ATG10: variants seen among roughly 807,000 people sequenced by gnomAD.
The protein encoded by ATG10 is ubiquitin-like-conjugating enzyme ATG10.
In ATG10, 30 loss-of-function variants were observed where a neutral mutation model predicts 32.1. The observed-to-expected ratio is 0.94, with a 90% CI of 0.70 to 1.27. The LOEUF (loss-of-function observed/expected upper bound fraction) is 1.27. Among genes scored for constraint, ATG10 ranks in the 50% most tolerant of loss-of-function variants. The pLI is 0.00. For missense variants in ATG10, 233 were observed against 262.3 expected, an observed-to-expected ratio of 0.89 and a Z score of 0.77; for synonymous variants, 87 against 91.5, an observed-to-expected ratio of 0.95 and a Z score of 0.28.
At chr5:82,007,110 C>G (rs1436486775) in intron 2 of ATG10, among the ~76,000 whole-genome samples, 7 of 152,104 alleles carry the variant, frequency 4.6e-5, no homozygotes, top group Admixed American at 4.6e-4. Context: ...CCTCAGCCTC[C>G]CACAGTATTT....
At chr5:82,053,523 A>G (rs528175122) in intron 2 of ATG10, among the ~76,000 whole-genome samples, 9 of 152,236 alleles carry the variant, frequency 5.9e-5, no homozygotes, top group African/African-American at 1.2e-4. Context: ...TTTTTATCAT[A>G]TTAAAAAATA....
chr5:82,219,897 T>A (rs1447443147), intron 5 of ATG10, among the ~76,000 whole-genome samples: 2 of 152,392 alleles, frequency 1.3e-5, no homozygotes, highest in Admixed American at 1.3e-4. Context: ...TTATGGTTAG[T>A]GCTGGGGATA....
intron 5 of ATG10, among the ~76,000 whole-genome samples, chr5:82,238,466 G>A (rs1420923025): frequency 6.6e-6 from 1 of 151,990 alleles, no homozygotes; most frequent in Non-Finnish European, 1.5e-5. Flanking sequence ...TCTTCTAGAG[G>A]TGCAATTCAA....
chr5:82,087,655 CT>C (rs1764736585), intron 3 of ATG10, among the ~76,000 whole-genome samples: 1 of 152,182 alleles, frequency 6.6e-6, no homozygotes, highest in African/African-American at 2.4e-5. Flanking sequence ...GAATCTTCCC[CT>C]ATCCACCCCA....
At chr5:82,132,560 C>T (rs975035043) in intron 3 of ATG10, among the ~76,000 whole-genome samples, 17 of 152,006 alleles carry the variant, frequency 1.1e-4, no homozygotes, top group Non-Finnish European at 1.5e-5. Flanking sequence ...CAGCTTCATC[C>T]ATGTCCCTGC....
intron 3 of ATG10, among the ~76,000 whole-genome samples, chr5:82,129,606 C>A (rs1362616060): frequency 6.6e-6 from 1 of 152,132 alleles, no homozygotes; most frequent in East Asian, 1.9e-4. Flanking sequence ...GGCCTCTCTG[C>A]TGCAGGACTG....
chr5:82,066,627 A>G (rs986371885), intron 3 of ATG10, among the ~76,000 whole-genome samples: 1 of 152,290 alleles, frequency 6.6e-6, no homozygotes, highest in Non-Finnish European at 1.5e-5. Flanking sequence ...TTCCTGAAGC[A>G]TAAAACTGAG....
chr5:82,194,816 G>A (rs1284328897), intron 5 of ATG10, among the ~76,000 whole-genome samples: 1 of 152,166 alleles, frequency 6.6e-6, no homozygotes, highest in Non-Finnish European at 1.5e-5. Context: ...GGCCCTGTAG[G>A]TATGCTCTGG....
At chr5:82,150,881 A>G (rs915468179) in intron 3 of ATG10, among the ~76,000 whole-genome samples, 1 of 152,250 alleles carries the variant, frequency 6.6e-6, no homozygotes, top group Non-Finnish European at 1.5e-5. Flanking sequence ...TAGGATTAAT[A>G]TATCCAGATT....
intron 3 of ATG10, among the ~76,000 whole-genome samples, chr5:82,115,388 G>C (rs1364218871): frequency 1.3e-5 from 2 of 152,090 alleles, no homozygotes; most frequent in African/African-American, 2.4e-5. Context: ...GAGAGTAGAT[G>C]AGATAGAATT....
chr5:82,125,803 T>C (rs1232375386), intron 3 of ATG10, among the ~76,000 whole-genome samples: 2 of 152,272 alleles, frequency 1.3e-5, no homozygotes, highest in East Asian at 3.9e-4. Context: ...TTTTTCTAAG[T>C]CTGTGAAGAA....
At chr5:82,191,886 A>G (rs982086206) in intron 5 of ATG10, among the ~76,000 whole-genome samples, 40 of 152,316 alleles carry the variant, frequency 2.6e-4, no homozygotes, top group African/African-American at 9.4e-4. Flanking sequence ...GTAGTGGATT[A>G]AAACTCAACT....
intron 3 of ATG10, among the ~76,000 whole-genome samples, chr5:82,149,850 T>C (rs1767520314): frequency 6.6e-6 from 1 of 152,202 alleles, no homozygotes; most frequent in South Asian, 2.1e-4. Flanking sequence ...AATGATTTGC[T>C]CTGGAAAGGC....
intron 5 of ATG10, among the ~76,000 whole-genome samples, chr5:82,207,985 T>C (rs969530815): frequency 4.6e-5 from 7 of 152,230 alleles, no homozygotes; most frequent in Admixed American, 6.5e-5. Context: ...TATGAGCCAC[T>C]GGGAACTAGT....
intron 3 of ATG10, among the ~76,000 whole-genome samples, chr5:82,156,406 G>C (rs2149888648): frequency 6.6e-6 from 1 of 152,232 alleles, no homozygotes; most frequent in Non-Finnish European, 1.5e-5. Context: ...TGGGGGTGGA[G>C]GCCAGGAATA....
Position 82,254,897 on chromosome 5 carries a change from T to TGA in ATG10, c.*836_*837dup, listed in dbSNP as rs1420716261. 9.3e-6 allele frequency: 1 copy of TGA among 107,952 alleles called. No individual in the cohort carries two copies. The highest frequency in any genetic ancestry group is 4.1e-5 in the African/African-American group (1 of 24,380). 6.7% of individuals were successfully genotyped at this position (107,952 alleles called of 1,614,324 possible). ...CCAAAAGAGAGAGAGAGAGTGAGTG[T>TGA]GAGTGTGTGTGTGTGTGTGTGTGTA... On this transcript the variant is annotated 3_prime_UTR_variant, in exon 8 of 8. Transcript: ENST00000282185.
intron 5 of ATG10, among the ~76,000 whole-genome samples, chr5:82,191,372 G>A (rs1020739789): frequency 5.3e-5 from 8 of 152,210 alleles, no homozygotes; most frequent in East Asian, 3.9e-4. Flanking sequence ...CTGCCAGCAG[G>A]GCTGGGCTTT....
At chr5:82,154,801 A>AAAGGG (rs1767744273) in intron 3 of ATG10, among the ~76,000 whole-genome samples, 1 of 152,228 alleles carries the variant, frequency 6.6e-6, no homozygotes, top group Non-Finnish European at 1.5e-5. Flanking sequence ...TGGAAATCTT[A>AAAGGG]AAGGGATTCT....
At chr5:82,140,126 C>T (rs1223457808) in intron 3 of ATG10, among the ~76,000 whole-genome samples, 1,173 of 111,432 alleles carry the variant, frequency 0.011, no homozygotes, top group East Asian at 0.053. Context: ...GCGCCTCTGC[C>T]CGGCCGCCCC....
Sources: allele counts gnomAD v4.1 joint callset (sites outside exome capture counted in the v4.1 genomes callset), GRCh38; gene constraint gnomAD v4.1.1; transcripts MANE v1.5; gene names NCBI Gene and HGNC (gene_info 2026-07-23, HGNC 2026-07-21).